NLRP13: variants seen among roughly 807,000 people sequenced by gnomAD.
NLRP13 encodes NACHT, LRR and PYD domains-containing protein 13.
A neutral mutation model predicts 94.4 loss-of-function variants in NLRP13; 82 were observed. That is an observed-to-expected ratio of 0.87 (90% CI 0.73 to 1.04). NLRP13 has a LOEUF of 1.04. NLRP13 is among the 50% of genes least tolerant of loss of function. The pLI is 0.00. For missense variants in NLRP13, 1,426 were observed against 1,230.8 expected, an observed-to-expected ratio of 1.16 and a Z score of -2.37; for synonymous variants, 553 against 464.7, an observed-to-expected ratio of 1.19 and a Z score of -2.45.
chr19:55,919,044 C>G (rs150948128), intron 4 of NLRP13, among the ~76,000 whole-genome samples: 111 of 152,138 alleles, frequency 7.3e-4, no homozygotes, highest in Non-Finnish European at 1.6e-4. Flanking sequence ...GGTTTTAACC[C>G]AGGAATACAA....
At chr19:55,908,148 A>C (rs1986407938) in intron 6 of NLRP13, among the ~76,000 whole-genome samples, 192 bp from the exon 7 acceptor site, 1 of 152,112 alleles carries the variant, frequency 6.6e-6, no homozygotes. Context: ...TCCCCCCAAA[A>C]AAATCAGTAA....
At chr19:55,892,089 T>C (rs1985866511), downstream of NLRP13, 1 of 1,231,550 alleles carries the variant, frequency 8.1e-7, no homozygotes, top group Non-Finnish European at 1.0e-6. Context: ...CTGTATCTCC[T>C]CTCTCACTAC....
In NLRP13 at chr19:55,924,659, CT is replaced by C; in HGVS notation, c.389-2del. 6.2e-7 allele frequency: 1 copy of C among 1,611,934 alleles called. No homozygotes were observed. Among genetic ancestry groups the C allele is most frequent in the Non-Finnish European group, 8.5e-7 (1 of 1,178,248 alleles). On this transcript the variant is annotated splice_acceptor_variant, in intron 2 of 10. Coordinates refer to ENST00000342929, the MANE Select transcript of NLRP13 (RefSeq NM_176810.2). LOFTEE classifies it high-confidence loss of function. ...TGGCATCCCTGGGTCTGCATATTCC[CT>C]GAAATAAACATTGACGATGAGATAT... is the stretch of plus-strand genomic sequence containing the variant.
chr19:55,916,141 T>A (rs1231467029), intron 4 of NLRP13, among the ~76,000 whole-genome samples: 1 of 152,060 alleles, frequency 6.6e-6, no homozygotes, highest in East Asian at 1.9e-4. Context: ...ATTTATAGAG[T>A]CTTTGTCAAT....
downstream of NLRP13, among the ~76,000 whole-genome samples, chr19:55,895,149 T>C (rs963380200): frequency 4.0e-5 from 6 of 149,686 alleles, no homozygotes; most frequent in African/African-American, 1.5e-4. Flanking sequence ...CGCAGCACTT[T>C]GGGAGGCGGG....
rs533550090 is a variant in NLRP13, at chr19:55,924,997, C to G, written c.358G>C (p.Glu120Gln). 1 of 1,614,100 alleles carries G rather than the reference C, an allele frequency of 6.2e-7. No homozygotes were observed. The highest frequency in any genetic ancestry group is 1.1e-5 in the South Asian group (1 of 91,086). ...GCTGCTTCTAGCATCTCTAGATCTT[C>G]CTGGGTTGGATCTTGCAGCTCTTGG... The part of the protein sequence containing the change: ...QTQELQDPTQ[E>Q]DLEMLEAAAG... The change falls in exon 2 of 11, where the codon GAA (glutamate) becomes CAA (glutamine). Residue 120 changes from glutamate (E) to glutamine (Q), a missense_variant. Coordinates refer to ENST00000342929, the MANE Select transcript of NLRP13 (RefSeq NM_176810.2).
chr19:55,910,836 A>G, intron 5 of NLRP13, 103 bp from the exon 6 acceptor site: 1 of 1,035,650 alleles, frequency 9.7e-7, no homozygotes, highest in Non-Finnish European at 1.4e-6. Context: ...CAAAATTATT[A>G]TAATTTTCCT....
chr19:55,900,162 A>G (rs1986127215), intron 9 of NLRP13, among the ~76,000 whole-genome samples: 1 of 152,204 alleles, frequency 6.6e-6, no homozygotes, highest in Non-Finnish European at 1.5e-5. Flanking sequence ...CAGATGGTAA[A>G]TTTACAATAA....
intron 5 of NLRP13, among the ~76,000 whole-genome samples, 158 bp from the exon 6 acceptor site, chr19:55,910,891 T>C (rs1986491442): frequency 6.6e-6 from 1 of 152,216 alleles, no homozygotes; most frequent in Admixed American, 6.5e-5. Flanking sequence ...CCCACCACTT[T>C]GGGAGACCGT....
At position 55,911,797 on chromosome 19, in the gene NLRP13, A is replaced by G. The variant is rs1411577232; in HGVS notation, c.2020T>C (p.Ser674Pro). The change falls in exon 5 of 11, where the codon TCT (serine) becomes CCT (proline). Residue 674 changes from serine to proline, a missense_variant. Ser to Pro is a moderately conservative substitution (Grantham distance 74, BLOSUM62 -1). Transcript: ENST00000342929. ...TTACAGTGCTTTAGGCAAAATGAAG[A>G]AGCTTGGAGTTCTTCGTCCTCCAAA... ...NILEDEELQA[S>P]SFCLKHCKRL... 2 of 1,614,044 alleles carry G rather than the reference A, an allele frequency of 1.2e-6. No individual in the cohort carries two copies. The highest frequency in any genetic ancestry group is 1.3e-5 in the African/African-American group (1 of 74,940).
intron 9 of NLRP13, among the ~76,000 whole-genome samples, chr19:55,900,426 G>A (rs920658254): frequency 5.3e-5 from 8 of 152,164 alleles, no homozygotes; most frequent in Non-Finnish European, 8.8e-5. Context: ...AATAATCTTA[G>A]AGGGAGAAAT....
At position 55,904,980 on chromosome 19, in the gene NLRP13, C is replaced by T. The variant is rs375756102; in HGVS notation, c.2580G>A (p.Ala860=). 3.1e-5 allele frequency: 50 copies of T among 1,613,802 alleles called. No individual in the cohort carries two copies. Among genetic ancestry groups the T allele is most frequent in the African/African-American group, 1.7e-4 (13 of 74,918 alleles). Residue 860 remains alanine (A), a synonymous_variant, in exon 8 of 11, where the codon GCG becomes GCA. Coordinates refer to ENST00000342929, the MANE Select transcript of NLRP13 (RefSeq NM_176810.2). The part of the protein sequence containing the change: ...LQDDGIKLLC[A]ALTHPKCALE... Reference sequence around the variant, plus strand: ...AGGCACACTTGGGGTGAGTCAGGGCCGCACACAATAGCTTTATGCCATCAT... The same window carrying T: ...AGGCACACTTGGGGTGAGTCAGGGCTGCACACAATAGCTTTATGCCATCAT...
At chr19:55,904,523 T>C (rs887580262) in intron 8 of NLRP13, among the ~76,000 whole-genome samples, 1 of 152,184 alleles carries the variant, frequency 6.6e-6, no homozygotes, top group Non-Finnish European at 1.5e-5. Flanking sequence ...ATCAACCCCA[T>C]CCCTGTCATT....
At chr19:55,896,876 G>A (rs185375177) in intron 10 of NLRP13, among the ~76,000 whole-genome samples, 10 of 149,486 alleles carry the variant, frequency 6.7e-5, no homozygotes, top group Non-Finnish European at 1.2e-4. Context: ...ACTGCATGCC[G>A]GGCACCTTTT....
downstream of NLRP13, among the ~76,000 whole-genome samples, chr19:55,892,632 G>C (rs1985888613): frequency 6.6e-6 from 1 of 152,100 alleles, no homozygotes; most frequent in Non-Finnish European, 1.5e-5. Flanking sequence ...TGTTGGCCAG[G>C]CTGGTCTCGA....
At chr19:55,924,753 G>A in intron 2 of NLRP13, 95 bp from the exon 3 acceptor site, 2 of 1,090,278 alleles carry the variant, frequency 1.8e-6, no homozygotes, top group South Asian at 2.6e-5. Context: ...CTTTTTCTAT[G>A]GCAAACGGGA....
intron 9 of NLRP13, among the ~76,000 whole-genome samples, chr19:55,899,961 T>G (rs1986120864): frequency 6.6e-6 from 1 of 151,978 alleles, no homozygotes; most frequent in Non-Finnish European, 1.5e-5. Flanking sequence ...TTGTTTTTTT[T>G]TTTTTTTGAG....
At chr19:55,892,444 C>T (rs151161302), downstream of NLRP13, among the ~76,000 whole-genome samples, 689 of 152,128 alleles carry the variant, frequency 4.5e-3, 1 homozygote, top group African/African-American at 8.6e-3. Flanking sequence ...TTGTTTGAGA[C>T]GCAGTGTCAC....
intron 8 of NLRP13, among the ~76,000 whole-genome samples, chr19:55,902,567 C>T (rs1986217083): frequency 6.6e-6 from 1 of 152,182 alleles, no homozygotes; most frequent in Non-Finnish European, 1.5e-5. Flanking sequence ...TCCCGCACTC[C>T]TTTCAGCCTT....
Sources: gnomAD v4.1 joint callset for allele counts (sites outside exome capture counted in the v4.1 genomes callset) on GRCh38, gnomAD v4.1.1 for gene constraint, MANE v1.5 for transcripts, NCBI Gene and HGNC (gene_info 2026-07-23, HGNC 2026-07-21) for gene names.